Variants in EDA observed in about 807,000 individuals in gnomAD.
EDA encodes ectodysplasin-A.
A neutral mutation model predicts 23.6 loss-of-function variants in EDA; 2 were observed. The ratio of observed to expected loss-of-function variants is 0.08; its 90% CI spans 0.03 to 0.27. The LOEUF is 0.27. Ranked by LOEUF, EDA falls within the 10% of genes least tolerant of loss-of-function variation. The pLI is 1.00. For missense variants in EDA, 229 were observed against 324.2 expected, an observed-to-expected ratio of 0.71 and a Z score of 2.26; for synonymous variants, 131 against 132.0, an observed-to-expected ratio of 0.99 and a Z score of 0.05.
chrX:69,885,323 A>G (rs2017811240), intron 1 of EDA, among the ~76,000 whole-genome samples: 1 of 111,426 alleles, frequency 9.0e-6, no homozygotes, highest in Non-Finnish European at 1.9e-5. Context: ...CCAAACTGAA[A>G]CTCTTTAACT....
At chrX:69,899,677 A>G (rs2018070860) in intron 1 of EDA, among the ~76,000 whole-genome samples, 1 of 111,603 alleles carries the variant, frequency 9.0e-6, no homozygotes, top group Admixed American at 9.7e-5. Context: ...ACAATTATAT[A>G]TCACTTTACA....
At chrX:69,889,262 T>G (rs1043187302) in intron 1 of EDA, among the ~76,000 whole-genome samples, 3 of 107,157 alleles carry the variant, frequency 2.8e-5, no homozygotes, top group Non-Finnish European at 5.8e-5. Context: ...ATCTTCCCAC[T>G]TCGTCCTCCA....
At chrX:69,957,478 C>CA (rs59016373) in intron 2 of EDA, 146 of 115,336 alleles carry the variant, frequency 1.3e-3, no homozygotes, top group East Asian at 0.012. Flanking sequence ...GACTCCATCT[C>CA]AAAAAAAAAA....
intron 1 of EDA, among the ~76,000 whole-genome samples, chrX:69,876,538 A>G (rs1319705282): frequency 8.9e-6 from 1 of 112,095 alleles, no homozygotes; most frequent in Non-Finnish European, 1.9e-5. Context: ...CACTTCAATC[A>G]TCATGTAAAA....
intron 1 of EDA, among the ~76,000 whole-genome samples, chrX:69,900,262 T>C (rs944480681): frequency 1.8e-5 from 2 of 109,101 alleles, no homozygotes; most frequent in African/African-American, 3.3e-5. Flanking sequence ...ACTCTACTAC[T>C]GTGTGACCTT....
At chrX:69,784,215 T>C (rs12390757) in intron 1 of EDA, among the ~76,000 whole-genome samples, 4 of 98,778 alleles carry the variant, frequency 4.0e-5, no homozygotes, top group Non-Finnish European at 8.3e-5. Flanking sequence ...GAGTAGGTTG[T>C]GAAAATTTTC....
chrX:69,937,639 C>T, intron 1 of EDA: 1 of 1,109,897 alleles, frequency 9.0e-7, no homozygotes. Flanking sequence ...CCTTCCTCAT[C>T]ATGTTTTTTA....
intron 1 of EDA, among the ~76,000 whole-genome samples, chrX:69,802,284 T>C (rs969749216): frequency 9.1e-6 from 1 of 109,568 alleles, no homozygotes; most frequent in African/African-American, 3.3e-5. Flanking sequence ...TGGAACAGTT[T>C]ATATAAAGTT....
intron 1 of EDA, among the ~76,000 whole-genome samples, chrX:69,645,229 C>A (rs1382361292): frequency 4.6e-5 from 5 of 109,704 alleles, no homozygotes; most frequent in Admixed American, 9.8e-5. Context: ...CTGTGTGGTC[C>A]TGGGCTTTTT....
At chrX:69,953,269 C>G (rs148722608) in intron 1 of EDA, among the ~76,000 whole-genome samples, 1 of 112,236 alleles carries the variant, frequency 8.9e-6, no homozygotes, top group East Asian at 2.8e-4. Context: ...AAAGTGAAAT[C>G]TGATAGTTGA....
At chrX:69,924,930 C>G (rs1212467257) in intron 1 of EDA, among the ~76,000 whole-genome samples, 1 of 111,255 alleles carries the variant, frequency 9.0e-6, no homozygotes, top group Non-Finnish European at 1.9e-5. Flanking sequence ...AATGGGAGTT[C>G]ACTCGTGATT....
At chrX:69,996,623 C>G (rs2019660736) in intron 2 of EDA, among the ~76,000 whole-genome samples, 1 of 111,917 alleles carries the variant, frequency 8.9e-6, no homozygotes, top group Non-Finnish European at 1.9e-5. Context: ...TTTCCCAACT[C>G]CCACATTAGT....
chrX:69,737,128 GTATGTTTA>G (rs2013292395), intron 1 of EDA, among the ~76,000 whole-genome samples: 1 of 111,200 alleles, frequency 9.0e-6, no homozygotes. Context: ...TAAACTCCCT[GTATGTTTA>G]TATTTAATGT....
intron 2 of EDA, among the ~76,000 whole-genome samples, chrX:70,015,780 A>G (rs2019939355): frequency 8.9e-6 from 1 of 112,001 alleles, no homozygotes; most frequent in Non-Finnish European, 1.9e-5. Flanking sequence ...AATTAGGTAC[A>G]TAGACCATTG....
chrX:69,656,409 T>C (rs1408505590), intron 1 of EDA, among the ~76,000 whole-genome samples: 2 of 111,785 alleles, frequency 1.8e-5, no homozygotes, highest in Non-Finnish European at 3.8e-5. Flanking sequence ...TCTGCCTCCT[T>C]GGTGCTTTTA....
intron 2 of EDA, among the ~76,000 whole-genome samples, chrX:69,982,606 C>T (rs185697919): frequency 1.9e-3 from 208 of 110,741 alleles, no homozygotes; most frequent in Non-Finnish European, 3.0e-3. Context: ...ATATTGTGTG[C>T]TCTGCAGATT....
At chrX:69,907,837 A>G (rs1323659792) in intron 1 of EDA, among the ~76,000 whole-genome samples, 1 of 111,006 alleles carries the variant, frequency 9.0e-6, no homozygotes, top group Non-Finnish European at 1.9e-5. Flanking sequence ...AGAGATATCT[A>G]TTCCCTTTGA....
At chrX:69,814,469 A>G (rs750995697) in intron 1 of EDA, among the ~76,000 whole-genome samples, 1 of 113,136 alleles carries the variant, frequency 8.8e-6, no homozygotes, top group Non-Finnish European at 1.9e-5. Flanking sequence ...GAAAAATATC[A>G]TATCAATTAC....
chrX:70,020,752 G>A (rs146535193), intron 2 of EDA, among the ~76,000 whole-genome samples: 477 of 111,364 alleles, frequency 4.3e-3, no homozygotes, highest in Non-Finnish European at 7.4e-3. Context: ...ATGATTAAAC[G>A]CTGATGCATC....
Sources: allele counts gnomAD v4.1 joint callset (sites outside exome capture counted in the v4.1 genomes callset), GRCh38; gene constraint gnomAD v4.1.1; transcripts MANE v1.5; gene names NCBI Gene and HGNC (gene_info 2026-07-23, HGNC 2026-07-21).